Variants in NUP155 observed in about 807,000 individuals in gnomAD.
NUP155 encodes the protein nuclear pore complex protein Nup155.
Under a neutral mutation model 180.4 loss-of-function variants are expected in NUP155, and 71 were observed. The observed-to-expected ratio is 0.39, with a 90% CI of 0.33 to 0.48. The LOEUF (loss-of-function observed/expected upper bound fraction) is 0.48, where lower values mean the gene tolerates loss of function less well. NUP155 is among the 20% of genes least tolerant of loss of function. The pLI, the probability that NUP155 is intolerant of heterozygous loss-of-function variation, is 0.91. For synonymous variants in NUP155, 582 were observed against 559.5 expected (o/e 1.04, Z -0.57); for missense variants, 1,553 against 1,648.9 (o/e 0.94, Z 1.01).
At chr5:37,342,490 A>G in intron 10 of NUP155, 59 bp downstream of exon 10, 3 of 1,050,184 alleles carry the variant, frequency 2.9e-6, no homozygotes, top group Non-Finnish European at 4.4e-6. Flanking sequence ...AAATTTCCAA[A>G]TCTAAGAATT....
intron 1 of NUP155, among the ~76,000 whole-genome samples, chr5:37,369,568 A>G (rs1443971994): frequency 1.3e-5 from 2 of 150,980 alleles, no homozygotes; most frequent in Non-Finnish European, 2.9e-5. Flanking sequence ...TTTCACACCT[A>G]AGGAGGCCAA....
At chr5:37,358,198 G>A in intron 3 of NUP155, 47 bp from the exon 4 acceptor site, 2 of 1,325,938 alleles carry the variant, frequency 1.5e-6, no homozygotes, top group Non-Finnish European at 2.2e-6. Context: ...AAGCAAATAG[G>A]CCAGATGTGG....
At chr5:37,311,742 G>A (rs750272920) in intron 22 of NUP155, among the ~76,000 whole-genome samples, 3 of 151,574 alleles carry the variant, frequency 2.0e-5, no homozygotes, top group African/African-American at 4.9e-5. Context: ...CCTTTTGGCC[G>A]GGCATGGTGG....
chr5:37,365,995 C>T (rs1438386844), intron 1 of NUP155, among the ~76,000 whole-genome samples: 1 of 150,994 alleles, frequency 6.6e-6, no homozygotes, highest in Admixed American at 6.6e-5. Flanking sequence ...ATTAAAACAA[C>T]CCATGACTTT....
At chr5:37,315,303 G>T (rs919080776) in intron 21 of NUP155, among the ~76,000 whole-genome samples, 2 of 152,240 alleles carry the variant, frequency 1.3e-5, no homozygotes, top group African/African-American at 4.8e-5. Context: ...GAAGGCAAAA[G>T]AACTTAGAAA....
intron 17 of NUP155, 61 bp downstream of exon 17, chr5:37,328,296 AG>A: frequency 2.6e-6 from 3 of 1,163,206 alleles, no homozygotes; most frequent in Non-Finnish European, 3.9e-6. Flanking sequence ...CTAAGCATTA[AG>A]GTTAACTCAT....
chr5:37,319,509 C>T (rs1744109237), intron 20 of NUP155, among the ~76,000 whole-genome samples: 1 of 152,104 alleles, frequency 6.6e-6, no homozygotes, highest in African/African-American at 2.4e-5. Flanking sequence ...ATACATTTGA[C>T]AAACTCACTT....
intron 22 of NUP155, among the ~76,000 whole-genome samples, chr5:37,313,302 G>C (rs981943235): frequency 3.3e-5 from 5 of 151,804 alleles, no homozygotes; most frequent in Admixed American, 2.0e-4. Flanking sequence ...GTGGTGGCAT[G>C]CACCTGTAAT....
chr5:37,302,676 A>G, intron 29 of NUP155, 103 bp downstream of exon 29: 1 of 1,148,630 alleles, frequency 8.7e-7, no homozygotes, highest in Non-Finnish European at 1.3e-6. Flanking sequence ...CTAGAATAAT[A>G]ATGACTTCTC....
At chr5:37,365,188 G>T (rs1462001081) in intron 1 of NUP155, among the ~76,000 whole-genome samples, 1 of 151,842 alleles carries the variant, frequency 6.6e-6, no homozygotes, top group Non-Finnish European at 1.5e-5. Flanking sequence ...GAACCCGGGA[G>T]GCGGAAGTTG....
intron 3 of NUP155, among the ~76,000 whole-genome samples, chr5:37,362,393 A>G (rs1167404642): frequency 1.3e-5 from 2 of 151,304 alleles, no homozygotes; most frequent in Admixed American, 6.6e-5. Context: ...GGTTCAAGTG[A>G]TTCTCCTGCC....
chr5:37,302,048 T>A (rs1742891436), intron 29 of NUP155, among the ~76,000 whole-genome samples: 1 of 152,042 alleles, frequency 6.6e-6, no homozygotes, highest in African/African-American at 2.4e-5. Flanking sequence ...TCAGGAAGAC[T>A]CACCTTGGAT....
chr5:37,352,077 G>T (rs921745735), intron 5 of NUP155, among the ~76,000 whole-genome samples: 3 of 152,064 alleles, frequency 2.0e-5, no homozygotes, highest in African/African-American at 7.2e-5. Flanking sequence ...ACAAAATTAG[G>T]CCGGGCACAG....
At chr5:37,292,393 T>G (rs113739904) in intron 34 of NUP155, among the ~76,000 whole-genome samples, 2,027 of 152,044 alleles carry the variant, frequency 0.013, 43 homozygotes, top group African/African-American at 0.046. Context: ...TTTTTTTGTA[T>G]TTTTAGTAGA....
chr5:37,310,819 TTAAAA>T, intron 22 of NUP155, 76 bp from the exon 23 acceptor site: 1 of 1,191,724 alleles, frequency 8.4e-7, no homozygotes, highest in South Asian at 1.4e-5. Flanking sequence ...TTTTAATAAA[TTAAAA>T]TAACCTAAAT....
At position 37,294,417 on chromosome 5, in the gene NUP155, T is replaced by C. The variant is rs1561762977; in HGVS notation, c.3842A>G (p.Asp1281Gly). Residue 1281 changes from aspartate (D) to glycine (G), a missense_variant, in exon 33 of 35, where the codon GAT becomes GGT. Coordinates refer to ENST00000231498, the MANE Select transcript of NUP155 (RefSeq NM_153485.3). The part of the protein sequence containing the change: ...LEQQVCTLNW[D>G]VGFVIQTMNE... Reference sequence around the variant, plus strand: ...CATTGTCTGTATTACGAAGCCCACATCCCAGTTCAAAGTACAAACCTGCTG... The same window carrying C: ...CATTGTCTGTATTACGAAGCCCACACCCCAGTTCAAAGTACAAACCTGCTG... 2 of 1,612,570 alleles carry C rather than the reference T, an allele frequency of 1.2e-6. No individual in the cohort carries two copies. Among genetic ancestry groups the C allele is most frequent in the South Asian group, 1.1e-5 (1 of 91,040 alleles).
intron 3 of NUP155, among the ~76,000 whole-genome samples, chr5:37,360,101 G>A (rs1747099774): frequency 6.6e-6 from 1 of 151,888 alleles, no homozygotes; most frequent in African/African-American, 2.4e-5. Flanking sequence ...CTGGGCAACA[G>A]AGCGAGACTC....
At chr5:37,300,345 C>T (rs887786484) in intron 30 of NUP155, among the ~76,000 whole-genome samples, 5 of 152,162 alleles carry the variant, frequency 3.3e-5, no homozygotes, top group African/African-American at 1.2e-4. Context: ...ACTATAGTCA[C>T]CCTATTGTGC....
chr5:37,351,452 CT>C (rs369868879), intron 5 of NUP155, 96 bp from the exon 6 acceptor site: 39,371 of 666,900 alleles, frequency 0.059, 1 homozygote, highest in East Asian at 0.073. Context: ...TTACTCAATT[CT>C]TTTTTTTTTT....
Sources: gnomAD v4.1 joint callset for allele counts (sites outside exome capture counted in the v4.1 genomes callset) on GRCh38, gnomAD v4.1.1 for gene constraint, MANE v1.5 for transcripts, NCBI Gene and HGNC (gene_info 2026-07-23, HGNC 2026-07-21) for gene names.